The following POLK variants were observed in gnomAD, a reference collection of about 807,000 sequenced individuals.
The protein encoded by POLK is DNA polymerase kappa, also known as polymerase (DNA directed) kappa.
A neutral mutation model predicts 94.0 loss-of-function variants in POLK; 76 were observed. That is an observed-to-expected ratio of 0.81 (90% CI 0.67 to 0.98). POLK has a LOEUF of 0.98. Among genes scored for constraint, POLK ranks in the 50% least tolerant of loss-of-function variants. The pLI is 0.00. For missense variants in POLK, 954 were observed against 1,010.1 expected (o/e 0.94, Z 0.75); for synonymous variants, 349 against 325.4 (o/e 1.07, Z -0.78).
chr5:75,576,837 G>A, exon 6 of POLK: 1 of 1,558,362 alleles, frequency 6.4e-7, no homozygotes, highest in Admixed American at 1.9e-5. Flanking sequence ...TCTTGATGAA[G>A]CCTACTTGAA....
intron 4 of POLK, among the ~76,000 whole-genome samples, chr5:75,572,323 T>C (rs1029475244): frequency 1.3e-5 from 2 of 152,192 alleles, no homozygotes; most frequent in African/African-American, 4.8e-5. Flanking sequence ...CCTTAATTTC[T>C]AAACTTATTT....
At chr5:75,573,009 C>T (rs577634709) in intron 4 of POLK, among the ~76,000 whole-genome samples, 1 of 152,298 alleles carries the variant, frequency 6.6e-6, no homozygotes. Flanking sequence ...CATCCCATTA[C>T]TGGGTATATA....
chr5:75,606,907 G>T, the POLK span, among the ~76,000 whole-genome samples: 1 of 152,020 alleles, frequency 6.6e-6, no homozygotes, highest in Non-Finnish European at 1.5e-5. Flanking sequence ...CACACAAATG[G>T]TATCATCCTA....
chr5:75,524,565 T>TC (rs1768739805), intron 1 of POLK, among the ~76,000 whole-genome samples: 1 of 152,156 alleles, frequency 6.6e-6, no homozygotes, highest in Non-Finnish European at 1.5e-5. Flanking sequence ...TTGAGAAACT[T>TC]CTACTTCCAG....
chr5:75,585,081 G>T (rs923300538), intron 9 of POLK, among the ~76,000 whole-genome samples, 155 bp downstream of exon 9: 1 of 152,198 alleles, frequency 6.6e-6, no homozygotes, highest in South Asian at 2.1e-4. Context: ...CAACAGATTG[G>T]ATGTAGGAGG....
intron 8 of POLK, among the ~76,000 whole-genome samples, chr5:75,584,384 A>G (rs1247772823): frequency 2.0e-5 from 3 of 152,194 alleles, no homozygotes; most frequent in African/African-American, 7.2e-5. Context: ...TAGTCACATT[A>G]TTCATACCTT....
Position 75,552,506 on chromosome 5 carries a change from A to G in POLK, c.170A>G (p.Glu57Gly), listed in dbSNP as rs1432926521. ...TTTTATGGAAATGAGCTCAAGAAAG[A>G]AAAGCAAGTCAACCAACGAATTGAA... Residue 57 changes from glutamate to glycine, a missense_variant, in exon 3 of 15, where the codon GAA (glutamate) becomes GGA (glycine). Coordinates refer to ENST00000241436, the Ensembl canonical transcript of POLK. 5.6e-6 allele frequency: 9 copies of G among 1,612,766 alleles called. No homozygotes were observed. The highest frequency in any genetic ancestry group is 7.6e-6 in the Non-Finnish European group (9 of 1,179,340).
chr5:75,549,700 CT>C (rs1770239877), intron 2 of POLK, among the ~76,000 whole-genome samples: 1 of 151,808 alleles, frequency 6.6e-6, no homozygotes, highest in Non-Finnish European at 1.5e-5. Context: ...TTACTTTTTA[CT>C]TTTTTAAAAC....
rs1019609526 is a variant in POLK, at chr5:75,587,552, G to A, written c.1259+494G>A. ...ATAATGATGGAAACTTACCGTTTGG[G>A]GAAATAAGTCATTGTTTGAAACATC... On this transcript the variant is annotated intron_variant, in intron 10 of 14. Coordinates refer to ENST00000241436, the Ensembl canonical transcript of POLK. Among the ~76,000 whole-genome samples the A allele has an allele frequency of 9.2e-5, 14 of 152,214 alleles. No homozygotes were observed. The Middle Eastern group carries it at 0.014, about 148-fold the overall frequency.
exon 15 of POLK, chr5:75,598,471 G>C (rs968995300): frequency 6.6e-6 from 1 of 152,608 alleles, no homozygotes; most frequent in South Asian, 2.1e-4. Context: ...GTTCTATGAA[G>C]AGTATTAATG....
chr5:75,528,744 G>A (rs1162190164), intron 1 of POLK, among the ~76,000 whole-genome samples: 1 of 152,164 alleles, frequency 6.6e-6, no homozygotes, highest in East Asian at 1.9e-4. Flanking sequence ...CTAGAAGTTC[G>A]AGGTTACAGT....
At chr5:75,589,117 T>A (rs1772617533) in intron 10 of POLK, among the ~76,000 whole-genome samples, 1 of 152,166 alleles carries the variant, frequency 6.6e-6, no homozygotes, top group African/African-American at 2.4e-5. Context: ...CATGTCATTT[T>A]ACATATATAC....
chr5:75,553,414 CAG>C (rs759368403), intron 3 of POLK, among the ~76,000 whole-genome samples: 7 of 152,144 alleles, frequency 4.6e-5, no homozygotes, highest in Non-Finnish European at 8.8e-5. Context: ...TCTCTTGTGA[CAG>C]AGTTCAAAGA....
chr5:75,607,634 G>A, the POLK span, among the ~76,000 whole-genome samples: 1 of 152,156 alleles, frequency 6.6e-6, no homozygotes, highest in African/African-American at 2.4e-5. Flanking sequence ...TTGCACAGGG[G>A]GATGGTAGAG....
chr5:75,584,407 A>G (rs1461950932), intron 8 of POLK, among the ~76,000 whole-genome samples: 2 of 152,182 alleles, frequency 1.3e-5, no homozygotes, highest in African/African-American at 4.8e-5. Flanking sequence ...ATCGATGATA[A>G]AAGATATAAT....
chr5:75,515,176 G>A (rs927644725), intron 1 of POLK, among the ~76,000 whole-genome samples: 10 of 152,108 alleles, frequency 6.6e-5, no homozygotes, highest in African/African-American at 1.7e-4. Context: ...AAGGAAAAAC[G>A]TATTGATTTA....
chr5:75,576,867 G>T lies in POLK; in HGVS notation c.628G>T (p.Glu210Ter). Residue 210 changes from glutamate (E) to a stop codon, truncating the protein, a stop_gained, in exon 6 of 15, where the codon GAA becomes TAA. Transcript: ENST00000241436. LOFTEE classifies it high-confidence loss of function. ...CTTGAATATAACAAAGCACTTAGAAGAAAGACAAAATTGGCCTGAGGATAA... is the reference window on the plus strand; with the variant it reads ...CTTGAATATAACAAAGCACTTAGAATAAAGACAAAATTGGCCTGAGGATAA... The T allele has an allele frequency of 6.4e-7, 1 of 1,559,640 alleles. No individual in the cohort carries two copies. Among genetic ancestry groups the T allele is most frequent in the South Asian group, 1.2e-5 (1 of 80,906 alleles).
chr5:75,585,844 G>A (rs1434491369), intron 9 of POLK, among the ~76,000 whole-genome samples: 1 of 152,140 alleles, frequency 6.6e-6, no homozygotes, highest in Non-Finnish European at 1.5e-5. Flanking sequence ...GACAACAATA[G>A]AAATCAATGA....
chr5:75,554,056 T>C (rs1034017708), intron 3 of POLK, among the ~76,000 whole-genome samples: 10 of 152,194 alleles, frequency 6.6e-5, no homozygotes, highest in African/African-American at 1.7e-4. Flanking sequence ...AGGGAAAATA[T>C]TGAAGGCAAG....
Sources: gnomAD v4.1 joint callset for allele counts (sites outside exome capture counted in the v4.1 genomes callset) on GRCh38, gnomAD v4.1.1 for gene constraint, MANE v1.5 for transcripts, NCBI Gene and HGNC (gene_info 2026-07-23, HGNC 2026-07-21) for gene names.